PALS1: variants seen among roughly 807,000 people sequenced by gnomAD.
PALS1 encodes protein PALS1.
PALS1 carries 31 observed loss-of-function variants against 78.9 expected under a neutral mutation model. That is an observed-to-expected ratio of 0.39 (90% CI 0.30 to 0.53). The LOEUF (loss-of-function observed/expected upper bound fraction) is 0.53, where lower values mean the gene tolerates loss of function less well. Ranked by LOEUF, PALS1 falls within the 20% of genes least tolerant of loss-of-function variation. PALS1 has a pLI of 0.67. For missense variants in PALS1, 704 were observed against 826.5 expected, an observed-to-expected ratio of 0.85 and a Z score of 1.82; for synonymous variants, 276 against 270.9, an observed-to-expected ratio of 1.02 and a Z score of -0.18.
chr14:67,314,162 A>T (rs1179595550), intron 9 of PALS1, among the ~76,000 whole-genome samples: 2 of 151,878 alleles, frequency 1.3e-5, no homozygotes, highest in African/African-American at 4.8e-5. Context: ...ACTGGATTTG[A>T]CAACAAGCAA....
At chr14:67,266,689 G>GATAGGTC (rs1050288573) in intron 1 of PALS1, among the ~76,000 whole-genome samples, 12 of 152,154 alleles carry the variant, frequency 7.9e-5, no homozygotes, top group African/African-American at 2.7e-4. Flanking sequence ...CTTCTGCAAA[G>GATAGGTC]ATAGGTCATT....
chr14:67,326,642 T>C (rs1375865927), intron 14 of PALS1, among the ~76,000 whole-genome samples: 3 of 152,130 alleles, frequency 2.0e-5, no homozygotes, highest in African/African-American at 7.2e-5. Flanking sequence ...CTCCATTCTT[T>C]CTTTCTGGCA....
intron 5 of PALS1, 82 bp from the exon 6 acceptor site, chr14:67,301,890 A>C (rs550715376): frequency 1.6e-5 from 22 of 1,401,258 alleles, no homozygotes; most frequent in Non-Finnish European, 2.0e-5. Context: ...AATGGTCAGA[A>C]TACTATGTAC....
At chr14:67,253,633 C>G (rs1485706410) in intron 1 of PALS1, among the ~76,000 whole-genome samples, 1 of 151,994 alleles carries the variant, frequency 6.6e-6, no homozygotes, top group African/African-American at 2.4e-5. Flanking sequence ...CTGCTTGAGC[C>G]CAGGAGTTCC....
At chr14:67,276,853 T>C (rs931961776) in intron 2 of PALS1, among the ~76,000 whole-genome samples, 1 of 152,208 alleles carries the variant, frequency 6.6e-6, no homozygotes, top group Non-Finnish European at 1.5e-5. Flanking sequence ...GCATGACTTC[T>C]AATTTTCCCT....
chr14:67,270,629 TG>T (rs1423911453), intron 2 of PALS1: 3 of 151,858 alleles, frequency 2.0e-5, no homozygotes, highest in African/African-American at 7.3e-5. Context: ...GCAATTGCTT[TG>T]GACTGGGAGG....
chr14:67,266,945 A>G lies in PALS1; in HGVS notation c.-236-2756A>G, dbSNP rs538894825. ...GGCAACACAGTGAAACCCTATCTCT[A>G]CTAAAAATACAAAATTAGCCAGGCG... is the stretch of plus-strand genomic sequence containing the variant. On this transcript the variant is annotated intron_variant, in intron 1 of 14. Transcript: ENST00000261681. 2.6e-5 allele frequency among the ~76,000 whole-genome samples: 4 copies of G among 151,890 alleles called. No homozygotes were observed. In the South Asian group the frequency reaches 8.3e-4, roughly 32 times the overall value.
chr14:67,250,728 G>C (rs1024925752), intron 1 of PALS1, among the ~76,000 whole-genome samples: 12 of 152,094 alleles, frequency 7.9e-5, no homozygotes, highest in Admixed American at 1.3e-4. Context: ...TTTGCATAAG[G>C]GTAATCAGTA....
At chr14:67,302,641 A>G (rs1005134236) in intron 7 of PALS1, 70 bp downstream of exon 7, 41 of 1,191,742 alleles carry the variant, frequency 3.4e-5, no homozygotes, top group Non-Finnish European at 3.9e-5. Context: ...AGAATAAAAT[A>G]TTTTTAAAAT....
chr14:67,288,009 G>A (rs1385748982), intron 3 of PALS1, among the ~76,000 whole-genome samples: 1 of 152,172 alleles, frequency 6.6e-6, no homozygotes, highest in Non-Finnish European at 1.5e-5. Context: ...ATGGCTGCTT[G>A]TTGATTTCAG....
intron 8 of PALS1, among the ~76,000 whole-genome samples, chr14:67,311,310 CAAAAAAAAAAAA>C (rs1164347381): frequency 3.1e-5 from 2 of 63,956 alleles, no homozygotes; most frequent in Non-Finnish European, 7.5e-5. Flanking sequence ...GACTCCGTCT[CAAAAAAAAAAAA>C]AAAAAAAAGC....
At chr14:67,256,510 A>G (rs2084147380) in intron 1 of PALS1, among the ~76,000 whole-genome samples, 2 of 152,216 alleles carry the variant, frequency 1.3e-5, no homozygotes, top group South Asian at 4.1e-4. Context: ...AACTTGTAGT[A>G]AATATAAATA....
chr14:67,263,098 C>T (rs8008443), intron 1 of PALS1, among the ~76,000 whole-genome samples: 24,219 of 151,968 alleles, frequency 0.16, 3,712 homozygotes, highest in East Asian at 0.48. Flanking sequence ...CTGCCATGAG[C>T]GTGTGGTCTT....
intron 8 of PALS1, among the ~76,000 whole-genome samples, chr14:67,309,381 G>A (rs1247015223): frequency 1.3e-5 from 2 of 152,130 alleles, no homozygotes; most frequent in African/African-American, 4.8e-5. Flanking sequence ...TTTTTCAGAT[G>A]TGAAATAAAT....
At chr14:67,274,077 G>A (rs560550161) in intron 2 of PALS1, among the ~76,000 whole-genome samples, 5 of 152,260 alleles carry the variant, frequency 3.3e-5, no homozygotes, top group East Asian at 3.9e-4. Flanking sequence ...TAGGTTGCCT[G>A]TTCACTCTGA....
chr14:67,246,027 C>T (rs570793364), intron 1 of PALS1, among the ~76,000 whole-genome samples: 49 of 152,004 alleles, frequency 3.2e-4, no homozygotes, highest in Non-Finnish European at 6.3e-4. Flanking sequence ...CATTGTATTC[C>T]TCTTGTCTCT....
At chr14:67,260,670 A>G (rs1461908132) in intron 1 of PALS1, among the ~76,000 whole-genome samples, 1 of 152,214 alleles carries the variant, frequency 6.6e-6, no homozygotes, top group Non-Finnish European at 1.5e-5. Flanking sequence ...TCTTGGTATA[A>G]GAAACAATAT....
At chr14:67,315,992 T>C (rs2085168226) in intron 9 of PALS1, among the ~76,000 whole-genome samples, 1 of 152,268 alleles carries the variant, frequency 6.6e-6, no homozygotes, top group South Asian at 2.1e-4. Context: ...TTTTTGTTAG[T>C]ACACTTACGA....
At chr14:67,315,909 A>G (rs1326737127) in intron 9 of PALS1, among the ~76,000 whole-genome samples, 1 of 152,260 alleles carries the variant, frequency 6.6e-6, no homozygotes, top group Admixed American at 6.5e-5. Flanking sequence ...TGGGTGACAG[A>G]GCGAGACTTC....
Sources: gnomAD v4.1 joint callset for allele counts (sites outside exome capture counted in the v4.1 genomes callset) on GRCh38, gnomAD v4.1.1 for gene constraint, MANE v1.5 for transcripts, NCBI Gene and HGNC (gene_info 2026-07-23, HGNC 2026-07-21) for gene names.